PRKAR2A: variants seen among roughly 807,000 people sequenced by gnomAD.
PRKAR2A encodes protein kinase cAMP-dependent type II regulatory subunit alpha.
Under a neutral mutation model 51.9 loss-of-function variants are expected in PRKAR2A, and 29 were observed. The observed-to-expected ratio is 0.56, with a 90% confidence interval of 0.42 to 0.76. The LOEUF (loss-of-function observed/expected upper bound fraction) is 0.76. PRKAR2A is among the 30% of genes least tolerant of loss of function. PRKAR2A has a pLI of 0.00. For missense variants in PRKAR2A, 445 were observed against 512.1 expected (o/e 0.87, Z 1.26); for synonymous variants, 178 against 186.2 (o/e 0.96, Z 0.36).
At chr3:48,764,650 G>A (rs2081911321) in intron 8 of PRKAR2A, among the ~76,000 whole-genome samples, 1 of 151,922 alleles carries the variant, frequency 6.6e-6, no homozygotes, top group Admixed American at 6.6e-5. Flanking sequence ...TTTTGAAATG[G>A]AGTCTTGCTC....
intron 5 of PRKAR2A, among the ~76,000 whole-genome samples, chr3:48,776,945 AGAT>A: frequency 6.6e-6 from 1 of 152,324 alleles, no homozygotes; most frequent in Middle Eastern, 3.4e-3. Flanking sequence ...AATTATGTAA[AGAT>A]AATTCCATTA....
At chr3:48,839,019 G>A (rs2083333385) in intron 1 of PRKAR2A, among the ~76,000 whole-genome samples, 1 of 151,954 alleles carries the variant, frequency 6.6e-6, no homozygotes, top group Admixed American at 6.6e-5. Flanking sequence ...CAGGTGCAGT[G>A]GCTCATGCCT....
At chr3:48,818,984 G>A (rs936552948) in intron 1 of PRKAR2A, among the ~76,000 whole-genome samples, 1 of 151,708 alleles carries the variant, frequency 6.6e-6, no homozygotes, top group Non-Finnish European at 1.5e-5. Flanking sequence ...CTGCTATTCT[G>A]CCACGTATAC....
At chr3:48,834,778 T>C (rs2107450135) in intron 1 of PRKAR2A, among the ~76,000 whole-genome samples, 1 of 148,038 alleles carries the variant, frequency 6.8e-6, no homozygotes, top group African/African-American at 2.5e-5. Flanking sequence ...GGAGGAAATA[T>C]TTGCAAATCA....
intron 1 of PRKAR2A, among the ~76,000 whole-genome samples, chr3:48,842,992 C>T (rs1452890876): frequency 1.3e-5 from 2 of 152,078 alleles, no homozygotes; most frequent in African/African-American, 4.8e-5. Context: ...AGGAATGGTA[C>T]CAGTTCCTCC....
chr3:48,782,949 A>T, intron 5 of PRKAR2A, 37 bp downstream of exon 5: 1 of 1,383,618 alleles, frequency 7.2e-7, no homozygotes, highest in Non-Finnish European at 1.0e-6. Flanking sequence ...GAATCCGATT[A>T]AGTGTGGCCA....
chr3:48,784,572 G>A (rs1275782519), intron 4 of PRKAR2A, among the ~76,000 whole-genome samples: 1 of 152,160 alleles, frequency 6.6e-6, no homozygotes, highest in Non-Finnish European at 1.5e-5. Flanking sequence ...TTGCCTGCTG[G>A]AAGCCGCTTG....
intron 1 of PRKAR2A, among the ~76,000 whole-genome samples, chr3:48,822,128 T>A (rs182353941): frequency 8.0e-5 from 12 of 150,134 alleles, no homozygotes; most frequent in South Asian, 2.1e-4. Flanking sequence ...GGAGAATCCC[T>A]TGAACCAGGG....
chr3:48,787,153 A>ATTATTTATTTAT (rs56116620), intron 4 of PRKAR2A, among the ~76,000 whole-genome samples: 1 of 149,686 alleles, frequency 6.7e-6, no homozygotes, highest in Non-Finnish European at 1.5e-5. Context: ...GAGAAAAGTA[A>ATTATTTATTTAT]TTATTTATTT....
chr3:48,774,040 C>T (rs2082069656), intron 5 of PRKAR2A, among the ~76,000 whole-genome samples: 1 of 151,890 alleles, frequency 6.6e-6, no homozygotes, highest in African/African-American at 2.4e-5. Context: ...ACTATGTTGC[C>T]CAAGCTGGTC....
In PRKAR2A at chr3:48,784,911, T is replaced by C. The variant is rs930652097; in HGVS notation, c.436-1819A>G. Among the ~76,000 whole-genome samples, 6 of 152,206 alleles carry C rather than the reference T, an allele frequency of 3.9e-5. No homozygotes were observed. In the South Asian group the frequency reaches 6.2e-4, roughly 16 times the overall value. On this transcript the variant is annotated intron_variant, in intron 4 of 10. Coordinates refer to ENST00000265563, the MANE Select transcript of PRKAR2A (RefSeq NM_004157.4). Reference sequence around the variant, plus strand: ...TGAAGTACTTACTATATGTGATTCATGATGTTAGGTGAAGACTTATTGTAT... The same window carrying C: ...TGAAGTACTTACTATATGTGATTCACGATGTTAGGTGAAGACTTATTGTAT...
intron 5 of PRKAR2A, among the ~76,000 whole-genome samples, chr3:48,780,667 CA>C (rs1250535043): frequency 6.7e-6 from 1 of 149,544 alleles, no homozygotes; most frequent in Non-Finnish European, 1.5e-5. Flanking sequence ...AGCAAGAACC[CA>C]AAGGTTACTC....
In PRKAR2A at chr3:48,783,444, C is replaced by A. The variant is rs1195229238; in HGVS notation, c.436-352G>T. On this transcript the variant is annotated intron_variant, in intron 4 of 10. Coordinates refer to ENST00000265563, the MANE Select transcript of PRKAR2A (RefSeq NM_004157.4). ...TCATGTGTAAAGTCATATGCTCCCA[C>A]CTTCCTACAGCTGTTGACCTTAACA... is the stretch of plus-strand genomic sequence containing the variant. Among the ~76,000 whole-genome samples the A allele has an allele frequency of 2.0e-5, 3 of 152,212 alleles. No homozygotes were observed. The East Asian group carries it at 5.8e-4, about 29-fold the overall frequency.
chr3:48,800,150 G>A (rs994892451), intron 2 of PRKAR2A, among the ~76,000 whole-genome samples: 9 of 151,216 alleles, frequency 6.0e-5, no homozygotes, highest in Non-Finnish European at 1.0e-4. Context: ...GAGCCACCAC[G>A]TCGGCCGACA....
intron 1 of PRKAR2A, among the ~76,000 whole-genome samples, chr3:48,810,925 T>G (rs757250729): frequency 6.6e-6 from 1 of 152,066 alleles, no homozygotes; most frequent in Non-Finnish European, 1.5e-5. Flanking sequence ...GCTTATAATC[T>G]CAGCATTTTG....
intron 1 of PRKAR2A, among the ~76,000 whole-genome samples, chr3:48,840,753 T>C (rs1458235716): frequency 1.3e-5 from 2 of 149,964 alleles, no homozygotes; most frequent in East Asian, 4.0e-4. Flanking sequence ...ATATTTTGTA[T>C]TTTTAGTAGA....
chr3:48,754,859 G>A (rs2081732871), intron 9 of PRKAR2A, among the ~76,000 whole-genome samples: 1 of 151,066 alleles, frequency 6.6e-6, no homozygotes, highest in African/African-American at 2.4e-5. Context: ...GGAGGTTGCA[G>A]TGAGTTGAGA....
At position 48,746,720 on chromosome 3, in the gene PRKAR2A, C is replaced by A. The variant is rs1449907175; in HGVS notation, c.*4865G>T. Reference sequence around the variant, plus strand: ...ATGACTGTTCATTATATGTTTAACACCACAGAGCAAGAATTGATCACGTTT... The same window carrying A: ...ATGACTGTTCATTATATGTTTAACAACACAGAGCAAGAATTGATCACGTTT... On this transcript the variant is annotated 3_prime_UTR_variant, in exon 11 of 11. Transcript: ENST00000265563. 2 of 152,144 alleles carry A rather than the reference C, an allele frequency of 1.3e-5. No individual in the cohort carries two copies. The highest frequency in any genetic ancestry group is 2.4e-5 in the African/African-American group (1 of 41,426). The allele number at this position is 152,144 out of a possible 1,614,324, so 9.4% of individuals were successfully genotyped here. A position where few individuals can be genotyped will look rare whatever the true frequency, so the allele number is the denominator to read the frequency against.
intron 2 of PRKAR2A, among the ~76,000 whole-genome samples, chr3:48,800,999 G>A (rs2082580617): frequency 6.6e-6 from 1 of 151,924 alleles, no homozygotes; most frequent in Non-Finnish European, 1.5e-5. Flanking sequence ...TTTGTTGGCT[G>A]AGGCGGACAG....
Sources: gnomAD v4.1 joint callset for allele counts (sites outside exome capture counted in the v4.1 genomes callset) on GRCh38, gnomAD v4.1.1 for gene constraint, MANE v1.5 for transcripts, NCBI Gene and HGNC (gene_info 2026-07-23, HGNC 2026-07-21) for gene names.